Variants in RBFOX1 observed in about 807,000 individuals in gnomAD.
The protein encoded by RBFOX1 is RNA binding protein fox-1 homolog 1.
Under a neutral mutation model 57.7 loss-of-function variants are expected in RBFOX1, and 8 were observed. That is an observed-to-expected ratio of 0.14 (90% CI 0.08 to 0.25). RBFOX1 has a LOEUF of 0.25. RBFOX1 is among the 10% of genes least tolerant of loss of function. The pLI is 1.00. For synonymous variants in RBFOX1, 326 were observed against 222.4 expected (o/e 1.47, Z -4.15); for missense variants, 611 against 548.5 (o/e 1.11, Z -1.14).
In RBFOX1 at chr16:6,753,626, G is replaced by A. The variant is rs185726006; in HGVS notation, c.-16+98976G>A. On this transcript the variant is annotated intron_variant, in intron 3 of 15. Coordinates refer to ENST00000550418, the MANE Select transcript of RBFOX1 (RefSeq NM_018723.4). ...CTGTAAGTAGAACCAGCAACAGAGC[G>A]AAAGGGAGAAAAAGAAACGTACTTC... is the stretch of plus-strand genomic sequence containing the variant. Among the ~76,000 whole-genome samples the A allele has an allele frequency of 4.1e-3, 623 of 152,260 alleles. 3 individuals carry two copies. The highest frequency in any genetic ancestry group is 6.9e-3 in the Non-Finnish European group (469 of 68,024).
intron 3 of RBFOX1, among the ~76,000 whole-genome samples, chr16:7,040,902 GT>G (rs1242636814): frequency 1.1e-5 from 1 of 88,378 alleles, no homozygotes; most frequent in Non-Finnish European, 2.0e-5. Context: ...TTTTTGTTTT[GT>G]TTTTTTGTTT....
chr16:6,598,434 A>T (rs763879783), intron 2 of RBFOX1, among the ~76,000 whole-genome samples: 5 of 152,230 alleles, frequency 3.3e-5, no homozygotes, highest in Admixed American at 6.5e-5. Flanking sequence ...CCAGTGTTAT[A>T]AAACTAATGT....
At chr16:7,373,657 G>A (rs2097620703) in intron 4 of RBFOX1, among the ~76,000 whole-genome samples, 1 of 151,834 alleles carries the variant, frequency 6.6e-6, no homozygotes, top group Non-Finnish European at 1.5e-5. Context: ...AGAATAAGAA[G>A]TGGTGTCTGA....
chr16:7,197,508 G>A lies in RBFOX1; in HGVS notation c.27+145410G>A, dbSNP rs566596456. 6.8e-5 allele frequency among the ~76,000 whole-genome samples: 10 copies of A among 147,548 alleles called. No homozygotes were observed. In the South Asian group the frequency reaches 2.2e-3, roughly 32 times the overall value. ...GAATTATCACAGATAGTGTAAAACT[G>A]TGTGGCCATGCCTTAAAAAAAGTTA... On this transcript the variant is annotated intron_variant, in intron 4 of 15. Transcript: ENST00000550418.
intron 1 of RBFOX1, among the ~76,000 whole-genome samples, chr16:6,071,570 G>C (rs541861235): frequency 6.6e-6 from 1 of 152,274 alleles, no homozygotes; most frequent in Admixed American, 6.5e-5. Flanking sequence ...AATCAACCAA[G>C]ATAGCTGCAA....
intron 3 of RBFOX1, among the ~76,000 whole-genome samples, chr16:6,966,359 T>A (rs1308672637): frequency 6.6e-6 from 1 of 151,942 alleles, no homozygotes; most frequent in African/African-American, 2.4e-5. Context: ...CAGTCTAGTT[T>A]GAAAGAAATA....
chr16:6,450,777 A>ACATATATATG (rs1349145162), intron 2 of RBFOX1, among the ~76,000 whole-genome samples: 3 of 39,526 alleles, frequency 7.6e-5, no homozygotes, highest in African/African-American at 2.5e-4. Context: ...GTATATATAT[A>ACATATATATG]TATATATATA....
intron 2 of RBFOX1, among the ~76,000 whole-genome samples, chr16:6,473,168 C>G (rs751692080): frequency 6.6e-6 from 1 of 152,136 alleles, no homozygotes; most frequent in Non-Finnish European, 1.5e-5. Flanking sequence ...TCTCACAGCT[C>G]TTATCCTGAA....
chr16:5,588,152 A>C (rs886708915), intron 2 of RBFOX1, among the ~76,000 whole-genome samples: 3 of 152,208 alleles, frequency 2.0e-5, no homozygotes, highest in Non-Finnish European at 4.4e-5. Context: ...AAAGTCCCAC[A>C]CAAATAAATC....
intron 3 of RBFOX1, among the ~76,000 whole-genome samples, chr16:7,027,149 A>G (rs528481093): frequency 5.1e-4 from 77 of 151,992 alleles, no homozygotes; most frequent in Non-Finnish European, 9.3e-4. Context: ...AGAACAGTCT[A>G]CCCTCCTTAC....
chr16:7,693,416 C>CTTT (rs60812796), intron 14 of RBFOX1: 24,224 of 777,070 alleles, frequency 0.031, 59 homozygotes, highest in East Asian at 0.068. Context: ...TCTCAGTATC[C>CTTT]TTTTTTTTTT....
intron 4 of RBFOX1, among the ~76,000 whole-genome samples, chr16:5,907,890 A>G (rs1285542687): frequency 6.6e-6 from 1 of 151,832 alleles, no homozygotes; most frequent in African/African-American, 2.4e-5. Flanking sequence ...AGCTAGGATT[A>G]CAGGCATGCA....
chr16:7,507,890 T>C (rs1410035725), intron 4 of RBFOX1, among the ~76,000 whole-genome samples: 1 of 149,586 alleles, frequency 6.7e-6, no homozygotes, highest in East Asian at 2.1e-4. Context: ...AAAGAATACA[T>C]AAGGAGCTCA....
chr16:6,823,127 C>G (rs745822392), intron 3 of RBFOX1, among the ~76,000 whole-genome samples: 1 of 152,112 alleles, frequency 6.6e-6, no homozygotes. Context: ...TTTTATGAAG[C>G]CTGTATTTGA....
At chr16:6,693,144 C>T (rs2060475181) in intron 3 of RBFOX1, among the ~76,000 whole-genome samples, 2 of 151,684 alleles carry the variant, frequency 1.3e-5, no homozygotes, top group African/African-American at 4.8e-5. Context: ...TCACCATCAT[C>T]CTCCTCCACT....
rs546602910 is a variant in RBFOX1 at position 5,598,961 on chromosome 16, C to T, written c.318C>T (p.Ser106=). 683 of 1,530,450 alleles carry T rather than the reference C, an allele frequency of 4.5e-4. 1 individual carries two copies. The highest frequency in any genetic ancestry group is 3.3e-4 in the Middle Eastern group (2 of 5,980). The allele number at this position is 1,530,450 out of a possible 1,614,324, so 94.8% of individuals were successfully genotyped here. A position where few individuals can be genotyped will look rare whatever the true frequency, so the allele number is the denominator to read the frequency against. ...GTGCCAAGAACAGCCTGCAAGACTC[C>T]GTAAGTAGAAGCATTTTGCTGAACA... Residue 106 remains serine, a synonymous_variant, in exon 3 of 3, where the codon TCC becomes TCT. Coordinates refer to the RBFOX1 transcript ENST00000585867.
At chr16:5,942,918 G>A (rs781405822) in intron 4 of RBFOX1, among the ~76,000 whole-genome samples, 1 of 152,304 alleles carries the variant, frequency 6.6e-6, no homozygotes, top group East Asian at 1.9e-4. Flanking sequence ...GATATGCAAT[G>A]TCCCTGTCTG....
At chr16:6,218,520 G>A (rs1194294037) in intron 1 of RBFOX1, among the ~76,000 whole-genome samples, 2 of 152,054 alleles carry the variant, frequency 1.3e-5, no homozygotes, top group Admixed American at 1.3e-4. Context: ...CTGTTTGCCA[G>A]GCTGATCTCA....
chr16:7,079,859 T>G (rs1452392896), intron 4 of RBFOX1, among the ~76,000 whole-genome samples: 1 of 151,982 alleles, frequency 6.6e-6, no homozygotes, highest in Admixed American at 6.6e-5. Context: ...GAAGTTATTA[T>G]TAAGTGAGTG....
Sources: allele counts gnomAD v4.1 joint callset (sites outside exome capture counted in the v4.1 genomes callset), GRCh38; gene constraint gnomAD v4.1.1; transcripts MANE v1.5; gene names NCBI Gene and HGNC (gene_info 2026-07-23, HGNC 2026-07-21).